The following ADAM11 variants were observed in gnomAD, a reference collection of about 807,000 sequenced individuals.
The protein encoded by ADAM11 is ADAM metallopeptidase domain 11.
Under a neutral mutation model 119.1 loss-of-function variants are expected in ADAM11, and 49 were observed. The ratio of observed to expected loss-of-function variants is 0.41; its 90% CI spans 0.33 to 0.52. The LOEUF is 0.52. ADAM11 is among the 20% of genes least tolerant of loss of function. The pLI, the probability that ADAM11 is intolerant of heterozygous loss-of-function variation, is 0.20. For missense variants in ADAM11, 777 were observed against 1,047.5 expected, an observed-to-expected ratio of 0.74 and a Z score of 3.56; for synonymous variants, 364 against 408.0, an observed-to-expected ratio of 0.89 and a Z score of 1.30.
chr17:44,770,729 G>T (rs1232225128), intron 4 of ADAM11, among the ~76,000 whole-genome samples: 4 of 152,270 alleles, frequency 2.6e-5, no homozygotes, highest in Admixed American at 2.6e-4. Context: ...GGTAATATAT[G>T]GTTAGTGCCA....
At chr17:44,764,149 G>A (rs1378010364) in intron 2 of ADAM11, among the ~76,000 whole-genome samples, 1 of 152,156 alleles carries the variant, frequency 6.6e-6, no homozygotes, top group Non-Finnish European at 1.5e-5. Context: ...TGAGGAGGTC[G>A]CAGACCTGGT....
rs762647588 is a variant in ADAM11 at position 44,779,829 on chromosome 17, C to T, written c.*75C>T. On this transcript the variant is annotated 3_prime_UTR_variant, in exon 27 of 27. Transcript: ENST00000200557. ...CCACGAGGCTGCCCCCATCCAGCCA[C>T]GGAGGGAGGCACCATGCAAATGTCT... 1.5e-5 allele frequency: 23 copies of T among 1,564,022 alleles called. No homozygotes were observed. Among genetic ancestry groups the T allele is most frequent in the Middle Eastern group, 1.7e-4 (1 of 5,992 alleles).
chr17:44,771,446 G>A lies in ADAM11; in HGVS notation c.382-138G>A, dbSNP rs140955377. ...AGGAGCACCAGCCATCTAGAAACAG[G>A]CTCCAGAGCCCCAGGCATACCCAGG... On this transcript the variant is annotated intron_variant, in intron 4 of 26. Coordinates refer to ENST00000200557, the MANE Select transcript of ADAM11 (RefSeq NM_002390.6). 358 of 867,422 alleles carry A rather than the reference G, an allele frequency of 4.1e-4. 2 individuals carry two copies. The African/African-American group carries it at 5.8e-3, about 14-fold the overall frequency. The allele number at this position is 867,422 out of a possible 1,614,324, so 53.7% of individuals were successfully genotyped here.
At chr17:44,770,871 C>T (rs2049514999) in intron 4 of ADAM11, among the ~76,000 whole-genome samples, 1 of 152,192 alleles carries the variant, frequency 6.6e-6, no homozygotes, top group South Asian at 2.1e-4. Context: ...AATCCCATCA[C>T]TGGGAGGCTG....
chr17:44,770,119 A>T (rs1324153364), intron 4 of ADAM11, 71 bp downstream of exon 4: 1 of 1,559,526 alleles, frequency 6.4e-7, no homozygotes, highest in African/African-American at 1.4e-5. Context: ...CTGTGGTCAC[A>T]GGTGTAGGGA....
At position 44,777,901 on chromosome 17, in the gene ADAM11, C is replaced by T. The variant is rs765519631; in HGVS notation, c.2070+38C>T. 196 of 1,613,562 alleles carry T rather than the reference C, an allele frequency of 1.2e-4. 1 individual carries two copies. The highest frequency in any genetic ancestry group is 3.5e-4 in the South Asian group (32 of 91,082). On this transcript the variant is annotated intron_variant, in intron 23 of 26. Transcript: ENST00000200557. The surrounding 1 kb of genome is among the most constrained non-coding windows in gnomAD (Gnocchi z 5.1). ...AGCCTGGGATGGCGGGAGAAGCTTA[C>T]AAGAGGGGACAGGCCCCTGCTCACC...
intron 2 of ADAM11, among the ~76,000 whole-genome samples, chr17:44,764,715 C>A (rs1488680212): frequency 1.3e-5 from 2 of 152,178 alleles, no homozygotes; most frequent in Non-Finnish European, 2.9e-5. Context: ...CTGAACACCA[C>A]CTTCCTCATT....
At position 44,779,229 on chromosome 17, in the gene ADAM11, C is replaced by T; in HGVS notation, c.2284C>T (p.Arg762Cys). ...GGTGWGFKNI[R>C]RGRSGGA Reference sequence around the variant, plus strand: ...ACCATCCTCCCCCTGCAGAAACATTCGCCGAGGAAGGTACGACCCGACCCA... The same window carrying T: ...ACCATCCTCCCCCTGCAGAAACATTTGCCGAGGAAGGTACGACCCGACCCA... Residue 762 changes from arginine to cysteine, a missense_variant, in exon 26 of 27, where the codon CGC (arginine) becomes TGC (cysteine). By Grantham distance (180) the Arg-to-Cys change is radical (BLOSUM62 -3). Around this residue, in one of 4 missense-constraint regions of ADAM11, gnomAD observed 348 missense variants for 486.7 expected, o/e 0.72. Transcript: ENST00000200557. 6 of 1,585,366 alleles carry T rather than the reference C, an allele frequency of 3.8e-6. No individual in the cohort carries two copies. The highest frequency in any genetic ancestry group is 2.5e-5 in the East Asian group (1 of 40,650).
chr17:44,766,102 G>A (rs1241696298), intron 2 of ADAM11, among the ~76,000 whole-genome samples: 2 of 152,222 alleles, frequency 1.3e-5, no homozygotes, highest in Admixed American at 6.5e-5. Flanking sequence ...GATCAAAGAA[G>A]TGTATGTCTA....
rs900593575 is a variant in ADAM11, at chr17:44,772,729, G to A, written c.679-128G>A. On this transcript the variant is annotated intron_variant, in intron 8 of 26. Transcript: ENST00000200557. This position sits in a 1 kb window ranked among gnomAD's most constrained non-coding sequence, Gnocchi z 4.5. ...TGAGGAAGGACAGGACCCTCTGCCAGTGGGGAGCTGGCACTGTCCCTGGCT... is the reference window on the plus strand; with the variant it reads ...TGAGGAAGGACAGGACCCTCTGCCAATGGGGAGCTGGCACTGTCCCTGGCT... 3.6e-5 allele frequency: 34 copies of A among 948,450 alleles called. No individual in the cohort carries two copies. In the African/African-American group the frequency reaches 3.9e-4, roughly 11 times the overall value. The allele number at this position is 948,450 out of a possible 1,614,324, so 58.8% of individuals were successfully genotyped here. A position where few individuals can be genotyped will look rare whatever the true frequency, so the allele number is the denominator to read the frequency against.
At chr17:44,770,884 G>A (rs2049515156) in intron 4 of ADAM11, among the ~76,000 whole-genome samples, 1 of 152,202 alleles carries the variant, frequency 6.6e-6, no homozygotes, top group African/African-American at 2.4e-5. Flanking sequence ...GGAGGCTGAG[G>A]TGGGCGGATC....
rs562896791 is a variant in ADAM11, at chr17:44,761,752, C to T, written c.237+1855C>T. On this transcript the variant is annotated intron_variant, in intron 2 of 26. Transcript: ENST00000200557. ...TACCAAAGCTGTGGACTTCTATGGGCCACTCTGCCAAGCTTTGTATGCACT... is the reference window on the plus strand; with the variant it reads ...TACCAAAGCTGTGGACTTCTATGGGTCACTCTGCCAAGCTTTGTATGCACT... Among the ~76,000 whole-genome samples, 119 of 152,258 alleles carry T rather than the reference C, an allele frequency of 7.8e-4. 1 individual carries two copies. The highest frequency in any genetic ancestry group is 1.2e-3 in the East Asian group (6 of 5,190).
rs2049544207 is a variant in ADAM11 at position 44,772,851 on chromosome 17, C to T, written c.679-6C>T. On this transcript the variant is annotated splice_region_variant and splice_polypyrimidine_tract_variant and intron_variant, in intron 8 of 26. Coordinates refer to ENST00000200557, the MANE Select transcript of ADAM11 (RefSeq NM_002390.6). The surrounding 1 kb of genome is among the most constrained non-coding windows in gnomAD (Gnocchi z 4.5). ...GACTGATTCCAAGTGCCCACCCACC[C>T]CCCAGGTCCGCCGGGGCCACCCTAC... is the stretch of plus-strand genomic sequence containing the variant. 1 of 1,613,422 alleles carries T rather than the reference C, an allele frequency of 6.2e-7. No individual in the cohort carries two copies. Among genetic ancestry groups the T allele is most frequent in the South Asian group, 1.1e-5 (1 of 91,078 alleles).
rs1163533526 is a variant in ADAM11 at position 44,774,755 on chromosome 17, T to C, written c.1220+6T>C. On this transcript the variant is annotated splice_donor_region_variant and intron_variant, in intron 14 of 26. Transcript: ENST00000200557. ...TGCATCATGGAGGACACTGGGTGAGTTCTTGGGGACAAACCGGGGGAAGGT... is the reference window on the plus strand; with the variant it reads ...TGCATCATGGAGGACACTGGGTGAGCTCTTGGGGACAAACCGGGGGAAGGT... The C allele has an allele frequency of 3.1e-6, 5 of 1,590,744 alleles. No individual in the cohort carries two copies. The highest frequency in any genetic ancestry group is 4.3e-6 in the Non-Finnish European group (5 of 1,173,912).
In ADAM11 at chr17:44,779,781, G is replaced by T. The variant is rs1288822436; in HGVS notation, c.*27G>T. ...TGCCACCCTCCTCCCTCCAAGCCTG[G>T]CACCCACCGTCTCGGCCCTGAACCA... is the stretch of plus-strand genomic sequence containing the variant. On this transcript the variant is annotated 3_prime_UTR_variant, in exon 27 of 27. Coordinates refer to ENST00000200557, the MANE Select transcript of ADAM11 (RefSeq NM_002390.6). 1 of 1,612,402 alleles carries T rather than the reference G, an allele frequency of 6.2e-7. No individual in the cohort carries two copies.
At chr17:44,765,187 A>G (rs2049431973) in intron 2 of ADAM11, among the ~76,000 whole-genome samples, 1 of 82,772 alleles carries the variant, frequency 1.2e-5, no homozygotes, top group African/African-American at 4.6e-5. Context: ...CACCCAACAC[A>G]TTGCCGGGGG....
At chr17:44,774,245 G>T (rs1468713893) in intron 11 of ADAM11, 50 bp from the exon 12 acceptor site, 1 of 1,275,066 alleles carries the variant, frequency 7.8e-7, no homozygotes, top group East Asian at 2.7e-5. Context: ...ACCACCCGGG[G>T]AGCCACAGGG....
In ADAM11 at chr17:44,776,633, TG is replaced by T; in HGVS notation, c.1567-111del. ...GCTTGTCCTAGGCGTGGAAGAGCCC[TG>T]TGGCATGAGCCCCCAATGGGGGGCA... is the stretch of plus-strand genomic sequence containing the variant. On this transcript the variant is annotated intron_variant, in intron 18 of 26. Coordinates refer to ENST00000200557, the MANE Select transcript of ADAM11 (RefSeq NM_002390.6). This position sits in a 1 kb window ranked among gnomAD's most constrained non-coding sequence, Gnocchi z 5.2. The T allele has an allele frequency of 7.5e-7, 1 of 1,335,786 alleles. No individual in the cohort carries two copies. The highest frequency in any genetic ancestry group is 1.0e-6 in the Non-Finnish European group (1 of 967,388). 82.7% of individuals were successfully genotyped at this position (1,335,786 alleles called of 1,614,324 possible). A position where few individuals can be genotyped will look rare whatever the true frequency, so the allele number is the denominator to read the frequency against.
At chr17:44,762,891 G>A (rs1464064732) in intron 2 of ADAM11, among the ~76,000 whole-genome samples, 1 of 151,938 alleles carries the variant, frequency 6.6e-6, no homozygotes, top group Middle Eastern at 3.2e-3. Flanking sequence ...TTGGCTCACA[G>A]TGGCCAAGGT....
Sources: gnomAD v4.1 joint callset for allele counts (sites outside exome capture counted in the v4.1 genomes callset) on GRCh38, gnomAD v4.1.1 for gene constraint, gnomAD v4.1.1 regional missense constraint, Gnocchi (gnomAD v3.1) non-coding constraint, MANE v1.5 for transcripts, NCBI Gene and HGNC (gene_info 2026-07-23, HGNC 2026-07-21) for gene names.